The following CAPN1 variants were observed in gnomAD, a reference collection of about 807,000 sequenced individuals.
CAPN1 encodes calpain-1 catalytic subunit.
Under a neutral mutation model 105.2 loss-of-function variants are expected in CAPN1, and 77 were observed. The observed-to-expected ratio is 0.73, with a 90% CI of 0.61 to 0.88. The LOEUF is 0.88. CAPN1 is among the 40% of genes least tolerant of loss of function. CAPN1 has a pLI of 0.00. For synonymous variants in CAPN1, 355 were observed against 388.8 expected, an observed-to-expected ratio of 0.91 and a Z score of 1.02; for missense variants, 833 against 976.6, an observed-to-expected ratio of 0.85 and a Z score of 1.96.
chr11:65,192,684 T>C (rs954518990), intron 10 of CAPN1, among the ~76,000 whole-genome samples: 3 of 151,858 alleles, frequency 2.0e-5, no homozygotes, highest in African/African-American at 7.3e-5. Context: ...GAGAGGTTAC[T>C]CACTGCAACC....
In CAPN1 at chr11:65,208,284, C is replaced by A. The variant is rs1464841607; in HGVS notation, c.1729+22C>A. On this transcript the variant is annotated intron_variant, in intron 16 of 21. Coordinates refer to ENST00000279247, the MANE Select transcript of CAPN1 (RefSeq NM_005186.4). The surrounding 1 kb of genome is among the most constrained non-coding windows in gnomAD (Gnocchi z 4.1). Reference sequence around the variant, plus strand: ...AAACGTGAGTCCCCGCGGGGCTGTCCCACCACCCCACCATTTCTTCCACAT... The same window carrying A: ...AAACGTGAGTCCCCGCGGGGCTGTCACACCACCCCACCATTTCTTCCACAT... 1.3e-6 allele frequency: 2 copies of A among 1,547,568 alleles called. No homozygotes were observed. Among genetic ancestry groups the A allele is most frequent in the South Asian group, 2.4e-5 (2 of 84,018 alleles).
chr11:65,186,246 G>T lies in CAPN1; in HGVS notation c.667G>T (p.Glu223Ter). The T allele has an allele frequency of 1.2e-6, 2 of 1,613,504 alleles. No individual in the cohort carries two copies. Among genetic ancestry groups the T allele is most frequent in the East Asian group, 2.2e-5 (1 of 44,862 alleles). The change falls in exon 6 of 22, where the codon GAG (glutamate) becomes TAG (stop). Residue 223 changes from glutamate to a stop codon, truncating the protein, a stop_gained. Transcript: ENST00000279247. LOFTEE classifies it high-confidence loss of function. ...TGAGGACTTCACAGGCGGGGTTACC[G>T]AGTGGTACGAGTTGCGCAAGGCTCC... ...GFEDFTGGVT[E>*]WYELRKAPSD...
intron 10 of CAPN1, among the ~76,000 whole-genome samples, chr11:65,198,400 C>G (rs894509990): frequency 5.3e-5 from 8 of 152,130 alleles, no homozygotes; most frequent in Non-Finnish European, 1.2e-4. Flanking sequence ...CCTGCCTCGG[C>G]CTCCCAAAGT....
intron 7 of CAPN1, 47 bp downstream of exon 7, chr11:65,187,345 T>C: frequency 7.4e-7 from 1 of 1,350,548 alleles, no homozygotes; most frequent in South Asian, 1.2e-5. Flanking sequence ...TCCTGCCCCC[T>C]GGCCTGTCCT....
intron 10 of CAPN1, 28 bp from the exon 11 acceptor site, chr11:65,204,655 T>C (rs201292406): frequency 6.9e-6 from 11 of 1,598,518 alleles, no homozygotes; most frequent in Middle Eastern, 1.7e-4. Flanking sequence ...GCCCTGCCTC[T>C]GATCCCCGCC....
chr11:65,192,663 G>C (rs1948734094), intron 10 of CAPN1, among the ~76,000 whole-genome samples: 1 of 151,228 alleles, frequency 6.6e-6, no homozygotes, highest in Admixed American at 6.6e-5. Context: ...AGAGAGACAG[G>C]GTTTTTTAGA....
At chr11:65,184,910 C>T (rs1948610162) in intron 4 of CAPN1, among the ~76,000 whole-genome samples, 1 of 152,154 alleles carries the variant, frequency 6.6e-6, no homozygotes, top group Non-Finnish European at 1.5e-5. Flanking sequence ...GATAGGGAAA[C>T]TGAGGCTCAG....
intron 10 of CAPN1, among the ~76,000 whole-genome samples, chr11:65,189,264 G>A (rs1404557036): frequency 1.3e-5 from 2 of 152,128 alleles, no homozygotes; most frequent in Admixed American, 6.5e-5. Context: ...CAGGTGATCC[G>A]ACCACCTTGG....
At chr11:65,204,343 C>A (rs1948917768) in intron 10 of CAPN1, among the ~76,000 whole-genome samples, 1 of 152,054 alleles carries the variant, frequency 6.6e-6, no homozygotes, top group Non-Finnish European at 1.5e-5. Context: ...GGGGTGCCCT[C>A]CGCCTGGCTT....
chr11:65,209,367 A>G lies in CAPN1; in HGVS notation c.1774A>G (p.Ser592Gly), dbSNP rs949425666. 1.4e-5 allele frequency: 23 copies of G among 1,613,790 alleles called. No individual in the cohort carries two copies. Among genetic ancestry groups the G allele is most frequent in the Non-Finnish European group, 1.9e-5 (23 of 1,179,768 alleles). ...TKGFSLESCR[S>G]MVNLMDRDGN... ...GGGCTTCAGCCTAGAGTCGTGCCGC[A>G]GCATGGTGAACCTCATGGATGTATC... Residue 592 changes from serine to glycine, a missense_variant, in exon 17 of 22, where the codon AGC (serine) becomes GGC (glycine). By Grantham distance (56) the Ser-to-Gly change is moderately conservative. Coordinates refer to ENST00000279247, the MANE Select transcript of CAPN1 (RefSeq NM_005186.4). This position sits in a 1 kb window ranked among gnomAD's most constrained non-coding sequence, Gnocchi z 4.1.
At position 65,188,718 on chromosome 11, in the gene CAPN1, C is replaced by T; in HGVS notation, c.1137C>T (p.Ser379=). The change falls in exon 10 of 22, where the codon AGC becomes AGT. Residue 379 remains serine, a synonymous_variant. Coordinates refer to ENST00000279247, the MANE Select transcript of CAPN1 (RefSeq NM_005186.4). This position sits in a 1 kb window ranked among gnomAD's most constrained non-coding sequence, Gnocchi z 5.5. ...TLYEGTWRRG[S]TAGGCRNYPA... ...ACGAAGGCACCTGGCGGCGGGGGAGCACCGCGGGGGGCTGCCGAAACTACC... is the reference window on the plus strand; with the variant it reads ...ACGAAGGCACCTGGCGGCGGGGGAGTACCGCGGGGGGCTGCCGAAACTACC... 1.3e-6 allele frequency: 2 copies of T among 1,592,196 alleles called. No individual in the cohort carries two copies. The highest frequency in any genetic ancestry group is 4.6e-5 in the East Asian group (2 of 43,372).
rs1948556828 is a variant in CAPN1 at position 65,182,661 on chromosome 11, G to T, written c.-1-40G>T. On this transcript the variant is annotated intron_variant, in intron 1 of 21. Transcript: ENST00000279247. ...AGGCAGGAGCCCAGGTTCTAGTCTT[G>T]GGAAGGCCTGGGTTCTGAGCAGGCC... 2.0e-6 allele frequency: 3 copies of T among 1,474,306 alleles called. No individual in the cohort carries two copies. In the South Asian group the frequency reaches 4.2e-5, roughly 21 times the overall value. The allele number at this position is 1,474,306 out of a possible 1,614,324, so 91.3% of individuals were successfully genotyped here. A position where few individuals can be genotyped will look rare whatever the true frequency, so the allele number is the denominator to read the frequency against.
At chr11:65,183,020 G>C in intron 2 of CAPN1, 52 bp downstream of exon 2, 1 of 1,611,018 alleles carries the variant, frequency 6.2e-7, no homozygotes, top group Non-Finnish European at 8.5e-7. Context: ...CCTGGATGAG[G>C]AGTAGGGATG....
Position 65,188,092 on chromosome 11 carries a change from C to T in CAPN1, c.929+52C>T. On this transcript the variant is annotated intron_variant, in intron 8 of 21. Coordinates refer to ENST00000279247, the MANE Select transcript of CAPN1 (RefSeq NM_005186.4). This position sits in a 1 kb window ranked among gnomAD's most constrained non-coding sequence, Gnocchi z 5.5. ...GTGCCTTGGGGAAACTGTTAGGTGC[C>T]CCGACATTTCTGCTCGGGACTCTAC... The T allele has an allele frequency of 7.9e-7, 1 of 1,269,908 alleles. No homozygotes were observed. Among genetic ancestry groups the T allele is most frequent in the South Asian group, 1.4e-5 (1 of 73,222 alleles). 78.7% of individuals were successfully genotyped at this position (1,269,908 alleles called of 1,614,324 possible).
At chr11:65,189,390 G>A (rs1948688281) in intron 10 of CAPN1, among the ~76,000 whole-genome samples, 2 of 152,038 alleles carry the variant, frequency 1.3e-5, no homozygotes, top group South Asian at 4.1e-4. Flanking sequence ...GCCACAGCCT[G>A]GCCTCTCAGT....
At position 65,209,141 on chromosome 11, in the gene CAPN1, T is replaced by G; in HGVS notation, c.1730-182T>G. ...GTGGCTGTTGGGACTTTGGCTTGAT[T>G]GCTAAAATACTTTACTTGTACTTCC... On this transcript the variant is annotated intron_variant, in intron 16 of 21. Coordinates refer to ENST00000279247, the MANE Select transcript of CAPN1 (RefSeq NM_005186.4). This position sits in a 1 kb window ranked among gnomAD's most constrained non-coding sequence, Gnocchi z 4.1. 1.6e-6 allele frequency: 1 copy of G among 607,174 alleles called. No homozygotes were observed. The highest frequency in any genetic ancestry group is 3.0e-6 in the Non-Finnish European group (1 of 335,766). The allele number at this position is 607,174 out of a possible 1,614,324, so 37.6% of individuals were successfully genotyped here.
chr11:65,197,550 C>T (rs1285716951), intron 10 of CAPN1, among the ~76,000 whole-genome samples: 1 of 151,810 alleles, frequency 6.6e-6, no homozygotes, highest in Non-Finnish European at 1.5e-5. Context: ...GTTTTGTTTT[C>T]TTGTAAACAG....
chr11:65,192,417 T>C (rs1179534689), intron 10 of CAPN1, among the ~76,000 whole-genome samples: 1 of 152,196 alleles, frequency 6.6e-6, no homozygotes, highest in African/African-American at 2.4e-5. Flanking sequence ...ATCCTCTCTT[T>C]TTCTGTTTCC....
chr11:65,190,963 C>T (rs1948712049), intron 10 of CAPN1, among the ~76,000 whole-genome samples: 1 of 152,148 alleles, frequency 6.6e-6, no homozygotes, highest in Non-Finnish European at 1.5e-5. Flanking sequence ...GCTTAGCCTC[C>T]CAAATTGCTG....
Sources: gnomAD v4.1 joint callset for allele counts (sites outside exome capture counted in the v4.1 genomes callset) on GRCh38, gnomAD v4.1.1 for gene constraint, Gnocchi (gnomAD v3.1) non-coding constraint, MANE v1.5 for transcripts, NCBI Gene and HGNC (gene_info 2026-07-23, HGNC 2026-07-21) for gene names.